The following RBFOX3 variants were observed in gnomAD, a reference collection of about 807,000 sequenced individuals.
RBFOX3 encodes RNA binding protein fox-1 homolog 3.
Under a neutral mutation model 48.7 loss-of-function variants are expected in RBFOX3, and 17 were observed. That is an observed-to-expected ratio of 0.35 (90% confidence interval 0.24 to 0.52). The LOEUF is 0.52. Ranked by LOEUF, RBFOX3 falls within the 20% of genes least tolerant of loss-of-function variation. RBFOX3 has a pLI of 0.94. For synonymous variants in RBFOX3, 212 were observed against 209.5 expected, an observed-to-expected ratio of 1.01 and a Z score of -0.10; for missense variants, 382 against 497.5, an observed-to-expected ratio of 0.77 and a Z score of 2.21.
intron 4 of RBFOX3, 134 bp from the exon 5 acceptor site, chr17:79,115,882 G>A (rs527241934): frequency 9.9e-5 from 53 of 532,794 alleles, no homozygotes; most frequent in Non-Finnish European, 1.6e-4. Context: ...CCTCCAAGGG[G>A]GGCTCGCCGG....
intron 1 of RBFOX3, among the ~76,000 whole-genome samples, chr17:79,560,319 G>A (rs1451312737): frequency 3.3e-5 from 5 of 152,078 alleles, no homozygotes; most frequent in South Asian, 2.1e-4. Context: ...GATACTTTGC[G>A]AACTGCAGAG....
intron 2 of RBFOX3, among the ~76,000 whole-genome samples, chr17:79,425,247 C>T (rs2067149193): frequency 6.6e-6 from 1 of 152,336 alleles, no homozygotes; most frequent in Non-Finnish European, 1.5e-5. Flanking sequence ...GACCTAACTC[C>T]TTCCTGGCTG....
intron 3 of RBFOX3, among the ~76,000 whole-genome samples, chr17:79,269,233 C>T (rs1277841903): frequency 6.6e-6 from 1 of 152,200 alleles, no homozygotes; most frequent in Non-Finnish European, 1.5e-5. Context: ...TGGAAGAGGC[C>T]AGGATGGATC....
At chr17:79,264,955 G>A (rs1307934179) in intron 3 of RBFOX3, among the ~76,000 whole-genome samples, 1 of 145,848 alleles carries the variant, frequency 6.9e-6, no homozygotes, top group African/African-American at 2.6e-5. Flanking sequence ...GAGACCCTCA[G>A]TGCGAGAGGA....
At chr17:79,191,517 C>G (rs2054516916) in intron 4 of RBFOX3, among the ~76,000 whole-genome samples, 1 of 152,174 alleles carries the variant, frequency 6.6e-6, no homozygotes, top group Non-Finnish European at 1.5e-5. Flanking sequence ...CCAAGGCACA[C>G]AAAGGCCCGG....
intron 4 of RBFOX3, among the ~76,000 whole-genome samples, chr17:79,188,024 G>A (rs2053766273): frequency 6.6e-6 from 1 of 152,198 alleles, no homozygotes; most frequent in African/African-American, 2.4e-5. Context: ...ACTTTGTTCT[G>A]GCCTGTTTAA....
At chr17:79,353,303 T>TG (rs951656619) in intron 2 of RBFOX3, among the ~76,000 whole-genome samples, 3 of 152,116 alleles carry the variant, frequency 2.0e-5, no homozygotes, top group Admixed American at 1.3e-4. Context: ...CTCTCCTCCA[T>TG]GGGGTGGGAT....
At chr17:79,577,293 G>T (rs2092896313) in intron 1 of RBFOX3, among the ~76,000 whole-genome samples, 2 of 152,222 alleles carry the variant, frequency 1.3e-5, no homozygotes, top group Middle Eastern at 3.2e-3. Context: ...CTGGTGGGGT[G>T]CAGGATCACT....
chr17:79,322,631 G>T (rs919562522), intron 2 of RBFOX3, among the ~76,000 whole-genome samples: 4 of 152,180 alleles, frequency 2.6e-5, no homozygotes, highest in African/African-American at 9.7e-5. Context: ...GTACAGAGGA[G>T]ACACAGCTGG....
At chr17:79,475,394 C>T (rs1020963061) in intron 2 of RBFOX3, among the ~76,000 whole-genome samples, 3 of 152,158 alleles carry the variant, frequency 2.0e-5, no homozygotes, top group Non-Finnish European at 4.4e-5. Context: ...AGATCAGGGC[C>T]GAGGGTCAGG....
chr17:79,389,677 G>A (rs2148148547), intron 2 of RBFOX3, among the ~76,000 whole-genome samples: 1 of 152,356 alleles, frequency 6.6e-6, no homozygotes, highest in South Asian at 2.1e-4. Flanking sequence ...GAGATCTGGG[G>A]TGGGACAGAC....
intron 2 of RBFOX3, among the ~76,000 whole-genome samples, chr17:79,330,995 C>A (rs2080197142): frequency 6.6e-6 from 1 of 152,144 alleles, no homozygotes; most frequent in Non-Finnish European, 1.5e-5. Context: ...GAATGTGGGT[C>A]CCATCCCGCT....
At chr17:79,222,971 TG>T (rs757604587) in intron 4 of RBFOX3, among the ~76,000 whole-genome samples, 4 of 152,148 alleles carry the variant, frequency 2.6e-5, no homozygotes, top group South Asian at 2.1e-4. Context: ...GCTGCAGCTC[TG>T]GGGTGTCAGG....
At chr17:79,566,120 A>G (rs1310814036) in intron 1 of RBFOX3, among the ~76,000 whole-genome samples, 1 of 152,118 alleles carries the variant, frequency 6.6e-6, no homozygotes, top group Non-Finnish European at 1.5e-5. Context: ...CCGAGACATC[A>G]GCAGCCACAA....
chr17:79,326,619 C>A (rs1156602892), intron 2 of RBFOX3, among the ~76,000 whole-genome samples: 3 of 152,222 alleles, frequency 2.0e-5, no homozygotes, highest in Non-Finnish European at 4.4e-5. Flanking sequence ...CCCGCAGGCA[C>A]AGTTGGCAGT....
chr17:79,649,946 A>G, the RBFOX3 span, among the ~76,000 whole-genome samples: 1 of 152,104 alleles, frequency 6.6e-6, no homozygotes, highest in East Asian at 1.9e-4. Flanking sequence ...TAACTCACTC[A>G]CTATCAGGAA....
chr17:79,355,443 C>T (rs1181406134), intron 2 of RBFOX3, among the ~76,000 whole-genome samples: 1 of 152,168 alleles, frequency 6.6e-6, no homozygotes, highest in Non-Finnish European at 1.5e-5. Context: ...GCCAAGTGGC[C>T]CCGGGCGATG....
chr17:79,268,492 G>A (rs969935447), intron 3 of RBFOX3, among the ~76,000 whole-genome samples: 1 of 152,118 alleles, frequency 6.6e-6, no homozygotes. Flanking sequence ...CTCCCGCTGC[G>A]GGTGGGGACG....
At chr17:79,285,351 G>C (rs540203929) in intron 3 of RBFOX3, among the ~76,000 whole-genome samples, 1 of 152,340 alleles carries the variant, frequency 6.6e-6, no homozygotes, top group African/African-American at 2.4e-5. Flanking sequence ...AAACAGACCT[G>C]TTGATGAAAA....
Sources: gnomAD v4.1 joint callset for allele counts (sites outside exome capture counted in the v4.1 genomes callset) on GRCh38, gnomAD v4.1.1 for gene constraint, MANE v1.5 for transcripts, NCBI Gene and HGNC (gene_info 2026-07-23, HGNC 2026-07-21) for gene names.